GALNT17: variants seen among roughly 807,000 people sequenced by gnomAD.
GALNT17 encodes UDP-GalNAc:polypeptide N-acetylgalactosaminyltransferase-like 3.
Under a neutral mutation model 63.7 loss-of-function variants are expected in GALNT17, and 29 were observed. That is an observed-to-expected ratio of 0.46 (90% CI 0.34 to 0.62). The LOEUF (loss-of-function observed/expected upper bound fraction) is 0.62. GALNT17 is among the 20% of genes least tolerant of loss of function. The pLI is 0.01. For missense variants in GALNT17, 603 were observed against 799.6 expected, an observed-to-expected ratio of 0.75 and a Z score of 2.97; for synonymous variants, 305 against 318.3, an observed-to-expected ratio of 0.96 and a Z score of 0.45.
chr7:71,467,899 C>T (rs1787563394), intron 5 of GALNT17, among the ~76,000 whole-genome samples: 1 of 152,168 alleles, frequency 6.6e-6, no homozygotes, highest in Non-Finnish European at 1.5e-5. Context: ...CTAGTGTCTC[C>T]ATAGACTGCC....
chr7:71,562,499 G>C (rs1377136958), intron 5 of GALNT17, among the ~76,000 whole-genome samples: 1 of 152,212 alleles, frequency 6.6e-6, no homozygotes, highest in African/African-American at 2.4e-5. Context: ...GGTGATGGGA[G>C]ACGGTGACAG....
intron 1 of GALNT17, among the ~76,000 whole-genome samples, chr7:71,142,013 T>C (rs1260734554): frequency 2.1e-4 from 1 of 4,866 alleles, no homozygotes; most frequent in African/African-American, 2.1e-3. Flanking sequence ...CACATTTGGC[T>C]GTGTGTGTGT....
intron 1 of GALNT17, among the ~76,000 whole-genome samples, chr7:71,208,650 C>G (rs1478475245): frequency 6.6e-6 from 1 of 151,768 alleles, no homozygotes; most frequent in African/African-American, 2.4e-5. Flanking sequence ...TGAGATCTTA[C>G]TATGTTGTCG....
intron 5 of GALNT17, among the ~76,000 whole-genome samples, chr7:71,452,580 G>A (rs559298445): frequency 6.6e-6 from 1 of 152,202 alleles, no homozygotes; most frequent in African/African-American, 2.4e-5. Flanking sequence ...ATTTTAGGGA[G>A]GCCTAATATA....
intron 1 of GALNT17, among the ~76,000 whole-genome samples, chr7:71,303,752 A>C: frequency 6.6e-6 from 1 of 152,044 alleles, no homozygotes; most frequent in East Asian, 1.9e-4. Context: ...GAAGCCATTA[A>C]ATTTGATGAA....
chr7:71,384,380 A>G (rs1792900758), intron 2 of GALNT17, among the ~76,000 whole-genome samples: 1 of 152,272 alleles, frequency 6.6e-6, no homozygotes, highest in Non-Finnish European at 1.5e-5. Flanking sequence ...GAAGATGGGT[A>G]TGTCCACAGC....
chr7:71,208,175 G>C (rs182845958), intron 1 of GALNT17, among the ~76,000 whole-genome samples: 1 of 152,000 alleles, frequency 6.6e-6, no homozygotes, highest in Admixed American at 6.6e-5. Flanking sequence ...GGACTTAAGC[G>C]ATCTGCCTGG....
chr7:71,492,907 C>T (rs1272119500), intron 5 of GALNT17, among the ~76,000 whole-genome samples: 1 of 152,132 alleles, frequency 6.6e-6, no homozygotes, highest in African/African-American at 2.4e-5. Context: ...ATTTGGGGGC[C>T]AGGGGATCCG....
intron 1 of GALNT17, among the ~76,000 whole-genome samples, chr7:71,192,079 T>C (rs1788961426): frequency 6.6e-6 from 1 of 151,590 alleles, no homozygotes; most frequent in South Asian, 2.1e-4. Flanking sequence ...AGTCCAAGAG[T>C]CCAAAAGCCG....
intron 3 of GALNT17, among the ~76,000 whole-genome samples, chr7:71,409,140 G>A (rs1335257240): frequency 1.3e-5 from 2 of 151,818 alleles, no homozygotes; most frequent in African/African-American, 2.4e-5. Flanking sequence ...CTTCCAAGGG[G>A]TTCAGTTTTT....
chr7:71,244,977 A>C (rs894992429), intron 1 of GALNT17, among the ~76,000 whole-genome samples: 4 of 151,710 alleles, frequency 2.6e-5, no homozygotes, highest in Non-Finnish European at 4.4e-5. Flanking sequence ...ACCAAAAAAA[A>C]CCTCTGTCTT....
At chr7:71,632,054 A>G (rs954509060) in intron 6 of GALNT17, among the ~76,000 whole-genome samples, 1 of 151,978 alleles carries the variant, frequency 6.6e-6, no homozygotes, top group Non-Finnish European at 1.5e-5. Flanking sequence ...AGCCCTTTAA[A>G]GAAGGCTTTA....
chr7:71,377,996 C>T (rs1287150437), intron 2 of GALNT17, among the ~76,000 whole-genome samples: 1 of 152,268 alleles, frequency 6.6e-6, no homozygotes, highest in East Asian at 1.9e-4. Context: ...TGAAAACGGA[C>T]TCATACAATA....
intron 1 of GALNT17, among the ~76,000 whole-genome samples, chr7:71,217,741 C>T (rs576124839): frequency 1.3e-4 from 20 of 151,904 alleles, no homozygotes; most frequent in East Asian, 5.9e-4. Context: ...CTGGCTAACA[C>T]GGTGAAACCC....
chr7:71,167,839 G>A (rs147754991), intron 1 of GALNT17, among the ~76,000 whole-genome samples: 5 of 152,120 alleles, frequency 3.3e-5, no homozygotes, highest in African/African-American at 7.2e-5. Context: ...ACAGGCGTGC[G>A]CCACGATGCT....
At chr7:71,637,764 C>G (rs1790548537) in intron 6 of GALNT17, among the ~76,000 whole-genome samples, 1 of 152,130 alleles carries the variant, frequency 6.6e-6, no homozygotes, top group South Asian at 2.1e-4. Context: ...GCCAGCATGT[C>G]AGACCATCTG....
At chr7:71,703,270 T>C (rs1200721567) in intron 9 of GALNT17, among the ~76,000 whole-genome samples, 1 of 152,024 alleles carries the variant, frequency 6.6e-6, no homozygotes, top group Non-Finnish European at 1.5e-5. Context: ...AGAAAAGAGG[T>C]TTAATTGGCT....
chr7:71,203,177 C>T (rs1789207710), intron 1 of GALNT17, among the ~76,000 whole-genome samples: 1 of 152,170 alleles, frequency 6.6e-6, no homozygotes, highest in Admixed American at 6.5e-5. Context: ...CGTGGGATTG[C>T]TGGATCATAT....
intron 2 of GALNT17, among the ~76,000 whole-genome samples, chr7:71,338,354 A>G (rs1791949481): frequency 7.6e-6 from 1 of 130,890 alleles, no homozygotes; most frequent in African/African-American, 2.6e-5. Flanking sequence ...ATAAAAAATA[A>G]ATAAATATAT....
Sources: allele counts gnomAD v4.1 joint callset (sites outside exome capture counted in the v4.1 genomes callset), GRCh38; gene constraint gnomAD v4.1.1; transcripts MANE v1.5; gene names NCBI Gene and HGNC (gene_info 2026-07-23, HGNC 2026-07-21).